Variants in RAB38 observed in about 807,000 individuals in gnomAD.
The protein encoded by RAB38 is ras-related protein Rab-38.
A neutral mutation model predicts 18.4 loss-of-function variants in RAB38; 15 were observed. That is an observed-to-expected ratio of 0.82 (90% CI 0.55 to 1.26). The LOEUF (loss-of-function observed/expected upper bound fraction) is 1.26, where lower values mean the gene tolerates loss of function less well. RAB38 is among the 50% of genes most tolerant of loss of function. The pLI, the probability that RAB38 is intolerant of heterozygous loss-of-function variation, is 0.00. For missense variants in RAB38, 294 were observed against 267.4 expected, an observed-to-expected ratio of 1.10 and a Z score of -0.69; for synonymous variants, 101 against 104.4, an observed-to-expected ratio of 0.97 and a Z score of 0.20.
chr11:88,128,255 C>CT (rs554834805), intron 2 of RAB38, among the ~76,000 whole-genome samples: 10 of 152,224 alleles, frequency 6.6e-5, no homozygotes, highest in African/African-American at 2.2e-4. Context: ...TATACTCTCC[C>CT]TTTTTTCCAG....
chr11:87,905,208 TTTTC>T, the RAB38 span, among the ~76,000 whole-genome samples: 1 of 151,726 alleles, frequency 6.6e-6, no homozygotes, highest in East Asian at 1.9e-4. Flanking sequence ...AATATAAAAA[TTTTC>T]TTTCTCATAA....
the RAB38 span, among the ~76,000 whole-genome samples, chr11:87,808,784 A>C: frequency 2.0e-5 from 3 of 152,298 alleles, no homozygotes; most frequent in East Asian, 5.8e-4. Context: ...AATACATACA[A>C]TTTTGTCTAT....
chr11:87,808,130 T>C, the RAB38 span, among the ~76,000 whole-genome samples: 1 of 152,164 alleles, frequency 6.6e-6, no homozygotes, highest in Non-Finnish European at 1.5e-5. Context: ...AGTACAGTTA[T>C]TACAGAAAAA....
chr11:87,893,515 G>A, the RAB38 span, among the ~76,000 whole-genome samples: 3 of 150,268 alleles, frequency 2.0e-5, no homozygotes, highest in Admixed American at 2.0e-4. Context: ...TTAAAAAATT[G>A]TAGTAAAAAA....
the RAB38 span, among the ~76,000 whole-genome samples, chr11:88,082,280 A>ATAGTAAC: frequency 1.3e-5 from 2 of 151,858 alleles, no homozygotes; most frequent in African/African-American, 4.8e-5. Flanking sequence ...AAGATACTGA[A>ATAGTAAC]ATTTTGAGCA....
At chr11:88,088,956 A>G in the RAB38 span, among the ~76,000 whole-genome samples, 2 of 151,866 alleles carry the variant, frequency 1.3e-5, no homozygotes, top group African/African-American at 4.8e-5. Flanking sequence ...ACAAAAAAAA[A>G]AGAGCTAAAG....
At chr11:88,026,487 C>T in the RAB38 span, among the ~76,000 whole-genome samples, 8 of 142,430 alleles carry the variant, frequency 5.6e-5, no homozygotes, top group Non-Finnish European at 7.5e-5. Flanking sequence ...GGTGTGAACC[C>T]GGGAGGCGGA....
the RAB38 span, among the ~76,000 whole-genome samples, chr11:87,954,158 G>A: frequency 6.6e-6 from 1 of 151,958 alleles, no homozygotes; most frequent in Admixed American, 6.6e-5. Flanking sequence ...CTTGTGTCTG[G>A]TGGTTGATCA....
the RAB38 span, among the ~76,000 whole-genome samples, chr11:87,923,576 CATGT>C: frequency 7.0e-6 from 1 of 143,640 alleles, no homozygotes; most frequent in Non-Finnish European, 1.5e-5. Flanking sequence ...TGTGTGTGTG[CATGT>C]GTGTGTGTGT....
the RAB38 span, among the ~76,000 whole-genome samples, chr11:87,944,284 A>C: frequency 6.6e-6 from 1 of 152,170 alleles, no homozygotes; most frequent in South Asian, 2.1e-4. Flanking sequence ...AAACAAAAAA[A>C]CAAAAAGCAT....
chr11:88,152,037 T>C (rs916073089), intron 1 of RAB38, among the ~76,000 whole-genome samples: 1 of 152,232 alleles, frequency 6.6e-6, no homozygotes, highest in African/African-American at 2.4e-5. Context: ...AGATGAACTT[T>C]TAGTTTTCCC....
the RAB38 span, among the ~76,000 whole-genome samples, chr11:87,839,443 C>T: frequency 1.3e-5 from 2 of 152,162 alleles, no homozygotes; most frequent in African/African-American, 4.8e-5. Flanking sequence ...CTATATTTGG[C>T]TGCTTTCTAA....
chr11:88,059,551 T>G, the RAB38 span, among the ~76,000 whole-genome samples: 1 of 152,226 alleles, frequency 6.6e-6, no homozygotes, highest in East Asian at 1.9e-4. Flanking sequence ...GAAACTACTT[T>G]GGCTTCTGCC....
chr11:88,057,693 T>A, the RAB38 span, among the ~76,000 whole-genome samples: 1 of 152,160 alleles, frequency 6.6e-6, no homozygotes, highest in African/African-American at 2.4e-5. Context: ...ATGAATACAA[T>A]TTTTAAAAAC....
chr11:88,022,116 A>G, the RAB38 span, among the ~76,000 whole-genome samples: 1 of 152,126 alleles, frequency 6.6e-6, no homozygotes, highest in Non-Finnish European at 1.5e-5. Context: ...ACTAGCAAAC[A>G]GAATTCAACA....
At chr11:88,104,420 T>C in the RAB38 span, among the ~76,000 whole-genome samples, 17 of 152,136 alleles carry the variant, frequency 1.1e-4, no homozygotes, top group Non-Finnish European at 2.9e-5. Flanking sequence ...TATGGTCAGA[T>C]AGAGGCAGAT....
the RAB38 span, among the ~76,000 whole-genome samples, chr11:88,045,761 C>T: frequency 3.9e-5 from 6 of 152,300 alleles, no homozygotes; most frequent in African/African-American, 1.4e-4. Flanking sequence ...TTAATCAATA[C>T]GAAGGCTACC....
At chr11:88,148,534 CA>C (rs1373498917) in intron 2 of RAB38, among the ~76,000 whole-genome samples, 1 of 152,184 alleles carries the variant, frequency 6.6e-6, no homozygotes. Flanking sequence ...TTCTCCAAGG[CA>C]AACTGGACCA....
the RAB38 span, among the ~76,000 whole-genome samples, chr11:87,977,801 TAG>T: frequency 2.4e-3 from 258 of 107,236 alleles, 1 homozygote; most frequent in Non-Finnish European, 3.7e-3. Context: ...ATATATATTA[TAG>T]AGTTATATAT....
Sources: allele counts gnomAD v4.1 joint callset (sites outside exome capture counted in the v4.1 genomes callset), GRCh38; gene constraint gnomAD v4.1.1; transcripts MANE v1.5; gene names NCBI Gene and HGNC (gene_info 2026-07-23, HGNC 2026-07-21).